Variants in NCKAP5 observed in about 807,000 individuals in gnomAD.
NCKAP5 encodes the protein nck-associated protein 5.
A neutral mutation model predicts 167.0 loss-of-function variants in NCKAP5; 92 were observed. The ratio of observed to expected loss-of-function variants is 0.55; its 90% CI spans 0.47 to 0.66. The LOEUF (loss-of-function observed/expected upper bound fraction) is 0.66, where lower values mean the gene tolerates loss of function less well. Ranked by LOEUF, NCKAP5 falls within the 30% of genes least tolerant of loss-of-function variation. The pLI is 0.00. For synonymous variants in NCKAP5, 891 were observed against 877.4 expected, an observed-to-expected ratio of 1.02 and a Z score of -0.27; for missense variants, 2,378 against 2,315.0, an observed-to-expected ratio of 1.03 and a Z score of -0.56.
At chr2:132,802,401 C>T (rs1292719505) in intron 11 of NCKAP5, among the ~76,000 whole-genome samples, 1 of 152,228 alleles carries the variant, frequency 6.6e-6, no homozygotes. Context: ...GAGCTGTTCT[C>T]ACCTCACAGC....
intron 6 of NCKAP5, among the ~76,000 whole-genome samples, chr2:133,037,772 C>T (rs2079085568): frequency 6.6e-6 from 1 of 151,970 alleles, no homozygotes; most frequent in South Asian, 2.1e-4. Flanking sequence ...GCACAGGTTA[C>T]CAAAGCAAAA....
chr2:133,618,763 T>C, the NCKAP5 span, among the ~76,000 whole-genome samples: 1 of 148,322 alleles, frequency 6.7e-6, no homozygotes, highest in Admixed American at 6.7e-5. Context: ...CTCAGGGATC[T>C]AGAACTGGAA....
intron 5 of NCKAP5, among the ~76,000 whole-genome samples, chr2:133,153,426 T>G (rs2083451201): frequency 6.6e-6 from 1 of 152,120 alleles, no homozygotes; most frequent in Admixed American, 6.5e-5. Flanking sequence ...TCCCTATACT[T>G]TCTGCTTAAT....
chr2:133,457,156 C>T (rs543340828), intron 3 of NCKAP5, among the ~76,000 whole-genome samples: 6 of 152,140 alleles, frequency 3.9e-5, no homozygotes, highest in Non-Finnish European at 8.8e-5. Flanking sequence ...TCCCATGTGG[C>T]CGGCCTGGAG....
In NCKAP5 at chr2:132,873,594, C is replaced by T. The variant is rs147970823; in HGVS notation, c.649-4620G>A. On this transcript the variant is annotated intron_variant, in intron 9 of 19. Transcript: ENST00000409261. ...GTAAGATAGAAACAAGAAAGAAACT[C>T]GAAGAGGTAAATACACAGCCCCATA... Among the ~76,000 whole-genome samples, 209 of 152,228 alleles carry T rather than the reference C, an allele frequency of 1.4e-3. 1 individual carries two copies. Among genetic ancestry groups the T allele is most frequent in the African/African-American group, 4.9e-3 (205 of 41,552 alleles).
chr2:133,382,654 C>A (rs771948241), intron 3 of NCKAP5, among the ~76,000 whole-genome samples: 8 of 152,192 alleles, frequency 5.3e-5, no homozygotes, highest in African/African-American at 1.9e-4. Flanking sequence ...TCCAAGAAGC[C>A]TTTTCAGGTT....
chr2:132,886,860 A>G (rs545523185), intron 8 of NCKAP5, among the ~76,000 whole-genome samples: 6 of 152,304 alleles, frequency 3.9e-5, no homozygotes, highest in African/African-American at 1.4e-4. Flanking sequence ...AGCCAACATG[A>G]ATAAAGAAAT....
intron 3 of NCKAP5, among the ~76,000 whole-genome samples, chr2:133,498,333 T>C (rs1682126089): frequency 6.6e-6 from 1 of 151,576 alleles, no homozygotes; most frequent in African/African-American, 2.4e-5. Context: ...TTACATGCAG[T>C]TAGGCAGGAT....
At chr2:133,385,195 G>A (rs943010944) in intron 3 of NCKAP5, among the ~76,000 whole-genome samples, 1 of 152,128 alleles carries the variant, frequency 6.6e-6, no homozygotes, top group Non-Finnish European at 1.5e-5. Flanking sequence ...GTCATAAATA[G>A]CTCTTATTAT....
rs778565370 is a variant in NCKAP5 at position 132,784,320 on chromosome 2, C to G, written c.2491G>C (p.Val831Leu). The change falls in exon 14 of 20, where the codon GTG (valine) becomes CTG (leucine). Residue 831 changes from valine (V) to leucine (L), a missense_variant. Coordinates refer to ENST00000409261, the MANE Select transcript of NCKAP5 (RefSeq NM_207363.3). ...AAGGCTGGTGATTTTTCAAGAGTCA[C>G]CAGGCCAGATGAAGGGAGTAGTGTG... ...ATTLLPSSGL[V>L]TLEKSPALAP... 4 of 1,613,950 alleles carry G rather than the reference C, an allele frequency of 2.5e-6. No homozygotes were observed. Among genetic ancestry groups the G allele is most frequent in the Admixed American group, 3.3e-5 (2 of 60,022 alleles).
intron 6 of NCKAP5, among the ~76,000 whole-genome samples, chr2:133,052,964 T>C (rs987282787): frequency 6.6e-6 from 1 of 151,960 alleles, no homozygotes; most frequent in African/African-American, 2.4e-5. Flanking sequence ...AATAAAAAAA[T>C]ACTCCTAATG....
intron 6 of NCKAP5, among the ~76,000 whole-genome samples, chr2:133,040,580 T>C (rs1468508674): frequency 6.6e-6 from 1 of 152,156 alleles, no homozygotes; most frequent in East Asian, 1.9e-4. Context: ...ATTCATTATA[T>C]AGGTATACAG....
chr2:132,985,797 C>A (rs897825825), intron 7 of NCKAP5, among the ~76,000 whole-genome samples: 4 of 152,166 alleles, frequency 2.6e-5, no homozygotes, highest in African/African-American at 9.6e-5. Context: ...CATAACAATT[C>A]ATAGAAAAGA....
At chr2:133,219,794 G>C (rs1379174063) in intron 4 of NCKAP5, among the ~76,000 whole-genome samples, 2 of 151,880 alleles carry the variant, frequency 1.3e-5, no homozygotes, top group Admixed American at 6.6e-5. Flanking sequence ...TAAGGAAGTG[G>C]TGAAGTTCTT....
Position 133,388,831 on chromosome 2 carries a change from G to A in NCKAP5, c.70-85721C>T, listed in dbSNP as rs192891531. ...AGGCTGCGTGGGCGTGGGACCCTCC[G>A]AGCCAGGTGTGGGATATAATCTCCT... On this transcript the variant is annotated intron_variant, in intron 3 of 19. Transcript: ENST00000409261. Among the ~76,000 whole-genome samples the A allele has an allele frequency of 2.9e-3, 438 of 152,340 alleles. 3 individuals are homozygous for A. The highest frequency in any genetic ancestry group is 9.6e-3 in the African/African-American group (400 of 41,586).
At chr2:133,191,845 C>G (rs1215689292) in intron 5 of NCKAP5, among the ~76,000 whole-genome samples, 1 of 151,890 alleles carries the variant, frequency 6.6e-6, no homozygotes, top group Non-Finnish European at 1.5e-5. Flanking sequence ...GTGCAGCACA[C>G]CAACATGGCA....
intron 6 of NCKAP5, among the ~76,000 whole-genome samples, chr2:133,129,201 C>T (rs547462185): frequency 4.6e-5 from 7 of 151,684 alleles, no homozygotes; most frequent in East Asian, 2.0e-4. Flanking sequence ...CCCATTAACT[C>T]GTCATTTAGC....
At chr2:132,880,126 T>TA (rs1691633571) in intron 8 of NCKAP5, among the ~76,000 whole-genome samples, 1 of 152,190 alleles carries the variant, frequency 6.6e-6, no homozygotes. Flanking sequence ...AATAAAATGA[T>TA]AGATACTAGA....
At chr2:133,420,833 G>A (rs1416945322) in intron 3 of NCKAP5, among the ~76,000 whole-genome samples, 2 of 152,154 alleles carry the variant, frequency 1.3e-5, no homozygotes, top group African/African-American at 4.8e-5. Context: ...CACTTGCGAA[G>A]CTGAGTTCTG....
Sources: gnomAD v4.1 joint callset for allele counts (sites outside exome capture counted in the v4.1 genomes callset) on GRCh38, gnomAD v4.1.1 for gene constraint, MANE v1.5 for transcripts, NCBI Gene and HGNC (gene_info 2026-07-23, HGNC 2026-07-21) for gene names.